Variants in DAPK1 observed in about 807,000 individuals in gnomAD.
The protein encoded by DAPK1 is death-associated protein kinase 1.
In DAPK1, 56 loss-of-function variants were observed where a neutral mutation model predicts 144.9. The observed-to-expected ratio is 0.39, with a 90% CI of 0.31 to 0.48. DAPK1 has a LOEUF of 0.48. DAPK1 is among the 20% of genes least tolerant of loss of function. DAPK1 has a pLI of 0.95. For missense variants in DAPK1, 1,454 were observed against 1,875.4 expected (o/e 0.78, Z 4.15); for synonymous variants, 690 against 749.0 (o/e 0.92, Z 1.29).
intron 2 of DAPK1, among the ~76,000 whole-genome samples, chr9:87,558,521 C>CACACACACACAT (rs10623606): frequency 2.0e-5 from 3 of 151,958 alleles, no homozygotes; most frequent in African/African-American, 7.2e-5. Flanking sequence ...CACACACACA[C>CACACACACACAT]AGCCGTGTGA....
intron 3 of DAPK1, among the ~76,000 whole-genome samples, chr9:87,607,795 C>T (rs934814833): frequency 3.3e-5 from 5 of 152,138 alleles, no homozygotes; most frequent in African/African-American, 1.2e-4. Context: ...CTGCCTAACC[C>T]CTGGCAAGCC....
chr9:87,697,307 G>A (rs1251092679), intron 22 of DAPK1, 103 bp downstream of exon 22: 1 of 686,068 alleles, frequency 1.5e-6, no homozygotes, highest in African/African-American at 1.8e-5. Flanking sequence ...GCTGCTGCTG[G>A]CCTTGCACCA....
chr9:87,519,684 G>C (rs917197803), intron 2 of DAPK1, among the ~76,000 whole-genome samples: 3 of 152,172 alleles, frequency 2.0e-5, no homozygotes, highest in Non-Finnish European at 4.4e-5. Flanking sequence ...GGAGCACCCA[G>C]CATCCTCCAA....
chr9:87,626,056 A>G (rs1255302275), intron 3 of DAPK1, among the ~76,000 whole-genome samples: 1 of 152,204 alleles, frequency 6.6e-6, no homozygotes, highest in African/African-American at 2.4e-5. Context: ...TCTTGCCACT[A>G]AGCAGGGGAG....
chr9:87,648,694 G>T, intron 14 of DAPK1, 87 bp from the exon 15 acceptor site: 1 of 1,189,082 alleles, frequency 8.4e-7, no homozygotes, highest in Non-Finnish European at 1.2e-6. Flanking sequence ...GTGGAACCAG[G>T]CAGGCCTGGG....
intron 2 of DAPK1, among the ~76,000 whole-genome samples, chr9:87,526,314 G>C (rs565493894): frequency 6.6e-6 from 1 of 152,296 alleles, no homozygotes; most frequent in South Asian, 2.1e-4. Context: ...GTGTATTAGA[G>C]TTAATGCTCC....
At chr9:87,611,426 G>C (rs1665932984) in intron 3 of DAPK1, among the ~76,000 whole-genome samples, 1 of 152,062 alleles carries the variant, frequency 6.6e-6, no homozygotes, top group Non-Finnish European at 1.5e-5. Context: ...GGTGGGACTG[G>C]GGTGTAAGCC....
intron 2 of DAPK1, among the ~76,000 whole-genome samples, chr9:87,569,494 ATACTT>A (rs1340521027): frequency 6.6e-6 from 1 of 152,230 alleles, no homozygotes; most frequent in Non-Finnish European, 1.5e-5. Context: ...ATACATATAA[ATACTT>A]TAGTGTCCTA....
At chr9:87,700,261 T>C in intron 24 of DAPK1, 24 bp downstream of exon 24, 1 of 1,599,452 alleles carries the variant, frequency 6.3e-7, no homozygotes, top group South Asian at 1.1e-5. Flanking sequence ...GGAAAGAGCC[T>C]GGACCCCTTT....
chr9:87,655,620 A>G (rs1275968304), intron 17 of DAPK1, among the ~76,000 whole-genome samples: 1 of 152,206 alleles, frequency 6.6e-6, no homozygotes, highest in Admixed American at 6.5e-5. Flanking sequence ...CCCTGTCACC[A>G]GTATGTGACA....
At position 87,707,655 on chromosome 9, in the gene DAPK1, C is replaced by T. The variant is rs1056374534; in HGVS notation, c.*291C>T. On this transcript the variant is annotated 3_prime_UTR_variant, in exon 26 of 26. Coordinates refer to ENST00000408954, the MANE Select transcript of DAPK1 (RefSeq NM_004938.4). The surrounding 1 kb of genome is among the most constrained non-coding windows in gnomAD (Gnocchi z 4.0). The stretch of plus-strand genomic sequence containing the variant: ...TGTTTTGGACTCCATCTCTCATCCT[C>T]CAGTACCTTGCTTCTTACTGATAAT... The T allele has an allele frequency of 7.8e-6, 4 of 510,986 alleles. No homozygotes were observed. Among genetic ancestry groups the T allele is most frequent in the Non-Finnish European group, 1.4e-5 (4 of 282,962 alleles). The allele number at this position is 510,986 out of a possible 1,614,324, so 31.7% of individuals were successfully genotyped here.
At chr9:87,647,092 G>A (rs952182871) in intron 13 of DAPK1, among the ~76,000 whole-genome samples, 2 of 152,198 alleles carry the variant, frequency 1.3e-5, no homozygotes, top group Non-Finnish European at 2.9e-5. Context: ...TCCATCATTC[G>A]CTTCACCCAG....
intron 3 of DAPK1, among the ~76,000 whole-genome samples, chr9:87,609,321 C>T (rs1444248206): frequency 2.0e-5 from 3 of 152,206 alleles, no homozygotes; most frequent in African/African-American, 7.2e-5. Flanking sequence ...CCTATATATG[C>T]ATATGATGCG....
chr9:87,540,183 CTTTTTTT>C (rs33925780), intron 2 of DAPK1, among the ~76,000 whole-genome samples: 50 of 66,182 alleles, frequency 7.6e-4, no homozygotes, highest in African/African-American at 2.0e-3. Context: ...TTGTTAATCT[CTTTTTTT>C]TTTTTTTTTT....
At position 87,698,089 on chromosome 9, in the gene DAPK1, G is replaced by A. The variant is rs543112309; in HGVS notation, c.2612-567G>A. ...CACAACAAGAGAAGCAGCCTTCCCTGGTGAAATGCAATACTCAGCAGTCAA... is the reference window on the plus strand; with the variant it reads ...CACAACAAGAGAAGCAGCCTTCCCTAGTGAAATGCAATACTCAGCAGTCAA... On this transcript the variant is annotated intron_variant, in intron 22 of 25. Coordinates refer to ENST00000408954, the MANE Select transcript of DAPK1 (RefSeq NM_004938.4). 1.3e-4 allele frequency among the ~76,000 whole-genome samples: 20 copies of A among 152,352 alleles called. No individual in the cohort carries two copies. The East Asian group carries it at 3.7e-3, about 28-fold the overall frequency.
intron 3 of DAPK1, among the ~76,000 whole-genome samples, chr9:87,635,427 G>A (rs886574129): frequency 3.3e-5 from 5 of 152,080 alleles, no homozygotes; most frequent in Admixed American, 2.0e-4. Flanking sequence ...CCCTGAAGAG[G>A]GCCACGGAGA....
chr9:87,558,224 C>A (rs775491190), intron 2 of DAPK1, among the ~76,000 whole-genome samples: 12 of 152,088 alleles, frequency 7.9e-5, no homozygotes, highest in Non-Finnish European at 1.6e-4. Flanking sequence ...TAGGGACTCA[C>A]ATGTTACTGC....
intron 2 of DAPK1, among the ~76,000 whole-genome samples, chr9:87,512,713 G>A (rs368478242): frequency 3.8e-4 from 57 of 151,854 alleles, no homozygotes; most frequent in African/African-American, 1.2e-3. Context: ...GTGTAATCTC[G>A]GCTCACTGCA....
chr9:87,701,052 T>A (rs1303342281), intron 24 of DAPK1, among the ~76,000 whole-genome samples: 1 of 152,172 alleles, frequency 6.6e-6, no homozygotes, highest in Non-Finnish European at 1.5e-5. Context: ...AAAATTTCCA[T>A]GGAAAAATTC....
Sources: allele counts gnomAD v4.1 joint callset (sites outside exome capture counted in the v4.1 genomes callset), GRCh38; gene constraint gnomAD v4.1.1; non-coding constraint Gnocchi (gnomAD v3.1); transcripts MANE v1.5; gene names NCBI Gene and HGNC (gene_info 2026-07-23, HGNC 2026-07-21).